The following GRAMD1B variants were observed in gnomAD, a reference collection of about 807,000 sequenced individuals.
GRAMD1B encodes the protein GRAM domain containing 1B, also known as protein Aster-B.
Under a neutral mutation model 99.7 loss-of-function variants are expected in GRAMD1B, and 37 were observed. That is an observed-to-expected ratio of 0.37 (90% CI 0.29 to 0.49). GRAMD1B has a LOEUF of 0.49. Among genes scored for constraint, GRAMD1B ranks in the 20% least tolerant of loss-of-function variants. GRAMD1B has a pLI of 0.98. For synonymous variants in GRAMD1B, 427 were observed against 387.6 expected, an observed-to-expected ratio of 1.10 and a Z score of -1.19; for missense variants, 888 against 1,009.2, an observed-to-expected ratio of 0.88 and a Z score of 1.63.
At chr11:123,604,690 G>A (rs1023646744) in intron 9 of GRAMD1B, among the ~76,000 whole-genome samples, 3 of 152,216 alleles carry the variant, frequency 2.0e-5, no homozygotes, top group Non-Finnish European at 4.4e-5. Context: ...AGGATTTCCG[G>A]AGAGTTGTCA....
Position 123,377,695 on chromosome 11 carries a change from A to C in GRAMD1B, c.-176+18896A>C, listed in dbSNP as rs546459304. The stretch of plus-strand genomic sequence containing the variant: ...ACGTGCTCCCTGACCTCTTCCTGCA[A>C]GTAACATTCAGAAGAGCTGGAAGAT... On this transcript the variant is annotated intron_variant, in intron 1 of 20. Coordinates refer to the GRAMD1B transcript ENST00000638157. 2.6e-5 allele frequency among the ~76,000 whole-genome samples: 4 copies of C among 152,348 alleles called. No individual in the cohort carries two copies. The South Asian group carries it at 8.3e-4, about 32-fold the overall frequency.
chr11:123,382,089 G>T (rs901787373), intron 1 of GRAMD1B, among the ~76,000 whole-genome samples: 1 of 152,180 alleles, frequency 6.6e-6, no homozygotes, highest in African/African-American at 2.4e-5. Flanking sequence ...ATAAATGAAT[G>T]ATATCAGTAG....
chr11:123,598,073 C>T, intron 7 of GRAMD1B: 1 of 1,542,928 alleles, frequency 6.5e-7, no homozygotes, highest in Non-Finnish European at 9.0e-7. Context: ...CAGTTTGGCC[C>T]ACAAGGAGAC....
intron 12 of GRAMD1B, 21 bp from the exon 13 acceptor site, chr11:123,609,774 A>C (rs766543927): frequency 7.4e-7 from 1 of 1,359,750 alleles, no homozygotes; most frequent in Non-Finnish European, 1.0e-6. Context: ...TCCTCATTCC[A>C]GGGCTCTCCT....
chr11:123,512,703 CTTTTT>C (rs766565214), intron 2 of GRAMD1B, among the ~76,000 whole-genome samples: 5 of 103,010 alleles, frequency 4.9e-5, no homozygotes, highest in African/African-American at 7.7e-5. Flanking sequence ...CATTGTGAAT[CTTTTT>C]TTTTTTTTTT....
intron 1 of GRAMD1B, among the ~76,000 whole-genome samples, chr11:123,477,670 C>T (rs1009752511): frequency 6.9e-6 from 1 of 145,372 alleles, no homozygotes; most frequent in African/African-American, 2.5e-5. Flanking sequence ...CTTCTCTCTC[C>T]CTTCCTTCTC....
chr11:123,523,102 T>C (rs993124519), intron 2 of GRAMD1B, among the ~76,000 whole-genome samples: 1 of 152,068 alleles, frequency 6.6e-6, no homozygotes, highest in African/African-American at 2.4e-5. Flanking sequence ...GAGGCCGAGG[T>C]GGGCGAATCA....
intron 1 of GRAMD1B, among the ~76,000 whole-genome samples, chr11:123,435,117 C>T (rs1949102031): frequency 6.6e-6 from 1 of 152,140 alleles, no homozygotes; most frequent in African/African-American, 2.4e-5. Flanking sequence ...CTCACGTGTC[C>T]TGGAGCAGCA....
chr11:123,526,814 G>A (rs1168211543), intron 2 of GRAMD1B, among the ~76,000 whole-genome samples: 2 of 152,146 alleles, frequency 1.3e-5, no homozygotes, highest in Non-Finnish European at 2.9e-5. Context: ...TTGGGGTGTG[G>A]GAGTAGCTGT....
chr11:123,555,146 C>T (rs970601514), intron 2 of GRAMD1B, among the ~76,000 whole-genome samples: 4 of 152,154 alleles, frequency 2.6e-5, no homozygotes, highest in Non-Finnish European at 4.4e-5. Flanking sequence ...GTTGACAGGG[C>T]ACAGCTCCAG....
At chr11:123,613,348 AC>A (rs1183532284) in intron 15 of GRAMD1B, 106 bp from the exon 16 acceptor site, 1 of 821,076 alleles carries the variant, frequency 1.2e-6, no homozygotes, top group Non-Finnish European at 2.0e-6. Context: ...AGGATCCTCA[AC>A]CCACCCAACC....
chr11:123,578,897 G>C (rs1949032384), intron 3 of GRAMD1B, among the ~76,000 whole-genome samples: 1 of 152,194 alleles, frequency 6.6e-6, no homozygotes, highest in Non-Finnish European at 1.5e-5. Flanking sequence ...CAGGGGTTCA[G>C]GTCGATGAGT....
chr11:123,412,331 G>T (rs1274552982), intron 1 of GRAMD1B, among the ~76,000 whole-genome samples: 1 of 152,332 alleles, frequency 6.6e-6, no homozygotes, highest in African/African-American at 2.4e-5. Context: ...AAAGCCATTT[G>T]TTGTGTGCCT....
At chr11:123,517,277 A>G (rs1941761521) in intron 2 of GRAMD1B, among the ~76,000 whole-genome samples, 1 of 152,246 alleles carries the variant, frequency 6.6e-6, no homozygotes, top group South Asian at 2.1e-4. Flanking sequence ...GAAAGAGCAC[A>G]AAACAATGCA....
chr11:123,610,102 TG>T lies in GRAMD1B; in HGVS notation c.1777-90del. The T allele has an allele frequency of 9.1e-7, 1 of 1,104,414 alleles. No homozygotes were observed. The highest frequency in any genetic ancestry group is 1.3e-6 in the Non-Finnish European group (1 of 752,048). 68.4% of individuals were successfully genotyped at this position (1,104,414 alleles called of 1,614,324 possible). On this transcript the variant is annotated intron_variant, in intron 13 of 19. Transcript: ENST00000635736. The surrounding 1 kb of genome is among the most constrained non-coding windows in gnomAD (Gnocchi z 4.1). ...TCCTGGTTCTCCTGTTCAGAAGCCG[TG>T]GGGTGGGGTGGGCTTGGGGAGGCTG...
intron 2 of GRAMD1B, among the ~76,000 whole-genome samples, chr11:123,485,738 A>T: frequency 7.2e-6 from 1 of 139,000 alleles, no homozygotes; most frequent in African/African-American, 2.7e-5. Flanking sequence ...TTTTTTTGAG[A>T]CAGAATCTTG....
At chr11:123,379,922 T>G (rs1946816788) in intron 1 of GRAMD1B, among the ~76,000 whole-genome samples, 1 of 152,248 alleles carries the variant, frequency 6.6e-6, no homozygotes, top group Non-Finnish European at 1.5e-5. Context: ...TTTTGATTTG[T>G]ATTTCCCTGA....
At chr11:123,584,272 CCTGA>C (rs1365134238) in intron 3 of GRAMD1B, 36 bp from the exon 4 acceptor site, 2 of 984,668 alleles carry the variant, frequency 2.0e-6, no homozygotes, top group Non-Finnish European at 2.8e-6. Context: ...CCATTTCTTC[CCTGA>C]CTAATTCTAC....
intron 16 of GRAMD1B, among the ~76,000 whole-genome samples, chr11:123,613,903 C>T (rs544056661): frequency 6.6e-6 from 1 of 152,318 alleles, no homozygotes; most frequent in African/African-American, 2.4e-5. Flanking sequence ...TTTATGCTTT[C>T]GTGTTGCCCT....
Sources: gnomAD v4.1 joint callset for allele counts (sites outside exome capture counted in the v4.1 genomes callset) on GRCh38, gnomAD v4.1.1 for gene constraint, Gnocchi (gnomAD v3.1) non-coding constraint, MANE v1.5 for transcripts, NCBI Gene and HGNC (gene_info 2026-07-23, HGNC 2026-07-21) for gene names.